Variants in SEMA3A observed in about 807,000 individuals in gnomAD.
The protein encoded by SEMA3A is semaphorin-3A.
In SEMA3A, 29 loss-of-function variants were observed where a neutral mutation model predicts 97.9. That is an observed-to-expected ratio of 0.30 (90% CI 0.22 to 0.40). The LOEUF is 0.40. SEMA3A is among the 10% of genes least tolerant of loss of function. SEMA3A has a pLI of 1.00. For synonymous variants in SEMA3A, 321 were observed against 323.7 expected (o/e 0.99, Z 0.09); for missense variants, 763 against 951.3 (o/e 0.80, Z 2.60).
chr7:84,076,896 A>C (rs1583924330), intron 4 of SEMA3A, among the ~76,000 whole-genome samples: 1 of 152,154 alleles, frequency 6.6e-6, no homozygotes. Context: ...GCCATAATTC[A>C]TCTGCTTTTT....
chr7:84,216,369 T>G (rs775518621), intron 3 of SEMA3A, among the ~76,000 whole-genome samples: 1 of 152,198 alleles, frequency 6.6e-6, no homozygotes, highest in Non-Finnish European at 1.5e-5. Context: ...CCTCCCAAAG[T>G]GCTGGGATTA....
rs147046217 is a variant in SEMA3A at position 84,093,760 on chromosome 7, C to G, written c.453+16710G>C. Among the ~76,000 whole-genome samples the G allele has an allele frequency of 2.0e-4, 30 of 151,824 alleles. No individual in the cohort carries two copies. The South Asian group carries it at 6.2e-3, about 32-fold the overall frequency. On this transcript the variant is annotated intron_variant, in intron 4 of 16. Coordinates refer to ENST00000265362, the MANE Select transcript of SEMA3A (RefSeq NM_006080.3). The stretch of plus-strand genomic sequence containing the variant: ...GAGTTGAACAATGAGAATACATGGA[C>G]GCAGGGAGGGGAACAACACCCATTT...
intron 4 of SEMA3A, among the ~76,000 whole-genome samples, chr7:84,071,300 C>T (rs145001526): frequency 7.4e-4 from 112 of 152,160 alleles, no homozygotes; most frequent in African/African-American, 2.6e-3. Context: ...ATGCCCTTAA[C>T]AGCACACAAT....
chr7:84,483,761 T>C (rs964133350), intron 1 of SEMA3A, among the ~76,000 whole-genome samples: 9 of 151,966 alleles, frequency 5.9e-5, no homozygotes, highest in African/African-American at 2.2e-4. Context: ...AAAAAAAATC[T>C]GGGTCAGGCA....
intron 4 of SEMA3A, among the ~76,000 whole-genome samples, chr7:84,102,588 C>CTTTTTTT (rs3074757): frequency 0.012 from 1,169 of 96,800 alleles, 60 homozygotes; most frequent in Non-Finnish European, 0.017. Flanking sequence ...TGCATTATCG[C>CTTTTTTT]TTTTTTTTTT....
chr7:84,229,702 T>C (rs1281572786), intron 3 of SEMA3A, among the ~76,000 whole-genome samples: 3 of 152,094 alleles, frequency 2.0e-5, no homozygotes, highest in Non-Finnish European at 2.9e-5. Context: ...GGAACACTAT[T>C]AATTTCTGGA....
At chr7:84,425,880 A>ACC (rs1804813343) in intron 1 of SEMA3A, among the ~76,000 whole-genome samples, 1 of 136,456 alleles carries the variant, frequency 7.3e-6, no homozygotes, top group African/African-American at 2.8e-5. Context: ...ACACACACCC[A>ACC]CACACACACT....
chr7:84,437,592 A>G (rs894197848), intron 1 of SEMA3A, among the ~76,000 whole-genome samples: 2 of 151,454 alleles, frequency 1.3e-5, no homozygotes, highest in African/African-American at 4.8e-5. Context: ...GTAAAAGAGG[A>G]AAAAGCTGCT....
chr7:84,327,971 CAG>C (rs1373464196), intron 2 of SEMA3A, among the ~76,000 whole-genome samples: 1 of 151,892 alleles, frequency 6.6e-6, no homozygotes, highest in Non-Finnish European at 1.5e-5. Flanking sequence ...ATTAATCAAA[CAG>C]AAAGATAATT....
intron 4 of SEMA3A, among the ~76,000 whole-genome samples, chr7:84,061,374 C>T (rs1230723238): frequency 6.6e-6 from 1 of 152,122 alleles, no homozygotes; most frequent in Non-Finnish European, 1.5e-5. Flanking sequence ...ATAACTAATT[C>T]ACGCTTGAGA....
At chr7:84,043,928 C>A (rs1792241727) in intron 6 of SEMA3A, among the ~76,000 whole-genome samples, 3 of 151,988 alleles carry the variant, frequency 2.0e-5, no homozygotes, top group African/African-American at 7.2e-5. Flanking sequence ...TGTGAGTGTG[C>A]AGCATAAAAG....
In SEMA3A at chr7:84,424,657, TATATA is replaced by T. The variant is rs1241106138; in HGVS notation, c.-245-52762_-245-52758del. ...TACAATATATATTATATTTATATAT[TATATA>T]ATATGTTATATAATATATAAATATA... On this transcript the variant is annotated intron_variant, in intron 1 of 3. Coordinates refer to the SEMA3A transcript ENST00000424555. Among the ~76,000 whole-genome samples, 10 of 94,830 alleles carry T rather than the reference TATATA, an allele frequency of 1.1e-4. No homozygotes were observed. The Admixed American group carries it at 1.1e-3, about 11-fold the overall frequency. 62.2% of individuals were successfully genotyped at this position (94,830 alleles called of 152,430 possible). A position where few individuals can be genotyped will look rare whatever the true frequency, so the allele number is the denominator to read the frequency against.
intron 12 of SEMA3A, among the ~76,000 whole-genome samples, chr7:83,989,296 A>G (rs1424691043): frequency 6.6e-6 from 1 of 152,180 alleles, no homozygotes; most frequent in Admixed American, 6.5e-5. Context: ...ATAATACAAA[A>G]AAAATCTATA....
intron 1 of SEMA3A, among the ~76,000 whole-genome samples, chr7:84,418,280 G>T (rs1804487921): frequency 6.6e-6 from 1 of 152,102 alleles, no homozygotes; most frequent in South Asian, 2.1e-4. Flanking sequence ...GATGAATGAG[G>T]AGCAAAGTCA....
intron 1 of SEMA3A, among the ~76,000 whole-genome samples, chr7:84,432,453 A>C (rs1334929972): frequency 3.3e-5 from 5 of 152,116 alleles, no homozygotes; most frequent in African/African-American, 7.2e-5. Flanking sequence ...GTATATTCCA[A>C]GATGCTGAGG....
At chr7:84,014,051 C>T (rs2116420616) in intron 7 of SEMA3A, among the ~76,000 whole-genome samples, 158 bp downstream of exon 7, 1 of 152,264 alleles carries the variant, frequency 6.6e-6, no homozygotes, top group South Asian at 2.1e-4. Flanking sequence ...TTACTCATAA[C>T]CAACTATAAT....
At chr7:84,288,733 C>A (rs901053456) in intron 3 of SEMA3A, among the ~76,000 whole-genome samples, 10 of 152,010 alleles carry the variant, frequency 6.6e-5, no homozygotes, top group South Asian at 2.1e-4. Flanking sequence ...ACAAAAAAAA[C>A]CATGCCAGTG....
chr7:84,484,568 CACAG>C (rs1288805475), intron 1 of SEMA3A, among the ~76,000 whole-genome samples: 1 of 151,286 alleles, frequency 6.6e-6, no homozygotes, highest in African/African-American at 2.5e-5. Flanking sequence ...CACACACACA[CACAG>C]AGAGCAAGTT....
At chr7:84,314,806 A>G (rs1801452496) in intron 2 of SEMA3A, among the ~76,000 whole-genome samples, 1 of 152,188 alleles carries the variant, frequency 6.6e-6, no homozygotes. Context: ...GCCTTAATAC[A>G]GCAAGAATTT....
Sources: gnomAD v4.1 joint callset for allele counts (sites outside exome capture counted in the v4.1 genomes callset) on GRCh38, gnomAD v4.1.1 for gene constraint, MANE v1.5 for transcripts, NCBI Gene and HGNC (gene_info 2026-07-23, HGNC 2026-07-21) for gene names.